The following GRM7 variants were observed in gnomAD, a reference collection of about 807,000 sequenced individuals.
GRM7 encodes metabotropic glutamate receptor 7.
GRM7 carries 35 observed loss-of-function variants against 84.5 expected under a neutral mutation model. The observed-to-expected ratio is 0.41, with a 90% confidence interval of 0.32 to 0.55. The LOEUF (loss-of-function observed/expected upper bound fraction) is 0.55. Ranked by LOEUF, GRM7 falls within the 20% of genes least tolerant of loss-of-function variation. The pLI, the probability that GRM7 is intolerant of heterozygous loss-of-function variation, is 0.19. For synonymous variants in GRM7, 487 were observed against 455.1 expected (o/e 1.07, Z -0.89); for missense variants, 1,003 against 1,194.6 (o/e 0.84, Z 2.36).
chr3:6,902,883 C>CA lies in GRM7; in HGVS notation c.519+40976_519+40977insA, dbSNP rs1287165184. 2.4e-3 allele frequency among the ~76,000 whole-genome samples: 317 copies of CA among 131,560 alleles called. 1 individual carries two copies. Among genetic ancestry groups the CA allele is most frequent in the Non-Finnish European group, 3.8e-3 (225 of 59,938 alleles). 86.3% of individuals were successfully genotyped at this position (131,560 alleles called of 152,430 possible). On this transcript the variant is annotated intron_variant, in intron 1 of 9. Coordinates refer to ENST00000357716, the MANE Select transcript of GRM7 (RefSeq NM_000844.4). ...CACACACACACACACACACACACAC[C>CA]CCTACTCTAGAGAATGGAATTTTAA...
chr3:7,103,525 T>A (rs2125024630), intron 1 of GRM7, among the ~76,000 whole-genome samples: 1 of 151,988 alleles, frequency 6.6e-6, no homozygotes, highest in Admixed American at 6.6e-5. Flanking sequence ...TTTGGGCCAA[T>A]GTTTCCATTG....
intron 1 of GRM7, among the ~76,000 whole-genome samples, chr3:7,105,185 A>T (rs1376926572): frequency 6.7e-6 from 1 of 150,290 alleles, no homozygotes; most frequent in Non-Finnish European, 1.5e-5. Context: ...GTGGTAATGA[A>T]TTTTTTTTTT....
chr3:7,120,922 C>A (rs1306034557), intron 1 of GRM7, among the ~76,000 whole-genome samples: 2 of 152,182 alleles, frequency 1.3e-5, no homozygotes, highest in Non-Finnish European at 2.9e-5. Context: ...TCACAGCTTA[C>A]ACATGTCCCC....
intron 2 of GRM7, among the ~76,000 whole-genome samples, chr3:7,254,862 T>C (rs542727181): frequency 8.9e-4 from 136 of 152,330 alleles, no homozygotes; most frequent in Middle Eastern, 3.4e-3. Context: ...AAAAGACATC[T>C]AGAACAGCTG....
chr3:7,701,678 G>A (rs1303060639), intron 9 of GRM7, among the ~76,000 whole-genome samples: 2 of 152,100 alleles, frequency 1.3e-5, no homozygotes, highest in Non-Finnish European at 2.9e-5. Flanking sequence ...AGGATGGTAG[G>A]AGCTTCACTC....
chr3:7,255,446 G>A lies in GRM7; in HGVS notation c.737-43238G>A, dbSNP rs766611247. Among the ~76,000 whole-genome samples the A allele has an allele frequency of 1.8e-4, 28 of 152,192 alleles. 1 individual carries two copies. Among genetic ancestry groups the A allele is most frequent in the Non-Finnish European group, 3.2e-4 (22 of 68,028 alleles). Reference sequence around the variant, plus strand: ...ATCCTTCATGCATAAAGTAAGGAATGAGCACATTGCTTTGACAATCCAAAC... The same window carrying A: ...ATCCTTCATGCATAAAGTAAGGAATAAGCACATTGCTTTGACAATCCAAAC... On this transcript the variant is annotated intron_variant, in intron 2 of 9. Coordinates refer to ENST00000357716, the MANE Select transcript of GRM7 (RefSeq NM_000844.4).
chr3:7,588,793 A>G (rs1009034206), intron 8 of GRM7, among the ~76,000 whole-genome samples: 1 of 152,198 alleles, frequency 6.6e-6, no homozygotes, highest in African/African-American at 2.4e-5. Context: ...GAAACAAAAC[A>G]TCCCATTTTC....
chr3:7,570,510 C>A (rs1694597642), intron 7 of GRM7, among the ~76,000 whole-genome samples: 1 of 152,164 alleles, frequency 6.6e-6, no homozygotes, highest in Non-Finnish European at 1.5e-5. Context: ...AAAATGAGCT[C>A]CTTTTACTCC....
intron 2 of GRM7, among the ~76,000 whole-genome samples, chr3:7,207,843 C>T (rs950680949): frequency 6.6e-6 from 1 of 152,134 alleles, no homozygotes; most frequent in Non-Finnish European, 1.5e-5. Flanking sequence ...TACATCTGTT[C>T]AAAAGCAAAA....
chr3:7,310,552 GA>G (rs746895846), intron 4 of GRM7, among the ~76,000 whole-genome samples: 7 of 151,820 alleles, frequency 4.6e-5, no homozygotes, highest in South Asian at 2.1e-4. Context: ...GGTGAATGGG[GA>G]AAAAAAATGA....
intron 1 of GRM7, among the ~76,000 whole-genome samples, chr3:7,137,511 CTTG>C (rs1693809581): frequency 1.3e-5 from 2 of 152,034 alleles, no homozygotes; most frequent in Non-Finnish European, 2.9e-5. Context: ...ACCTTGATTA[CTTG>C]AAATGAGTTT....
At chr3:7,629,816 T>G (rs146595971) in intron 8 of GRM7, among the ~76,000 whole-genome samples, 2 of 150,510 alleles carry the variant, frequency 1.3e-5, no homozygotes, top group Non-Finnish European at 2.9e-5. Context: ...ACATTCCAAG[T>G]TTTTTTTAAA....
chr3:7,307,868 C>A (rs992055632), intron 4 of GRM7, among the ~76,000 whole-genome samples: 1 of 152,086 alleles, frequency 6.6e-6, no homozygotes, highest in Non-Finnish European at 1.5e-5. Context: ...AAATTCTCAC[C>A]CTCAAAGCAT....
intron 1 of GRM7, among the ~76,000 whole-genome samples, chr3:6,886,929 G>C (rs550140657): frequency 4.8e-4 from 73 of 151,958 alleles, no homozygotes; most frequent in Admixed American, 2.0e-3. Context: ...GGATCAGCAA[G>C]ATTGAGTACT....
chr3:7,433,406 G>A (rs975057414), intron 5 of GRM7, among the ~76,000 whole-genome samples: 1 of 152,200 alleles, frequency 6.6e-6, no homozygotes, highest in Non-Finnish European at 1.5e-5. Flanking sequence ...ACCACCTCTT[G>A]TGGGATGTTG....
chr3:6,903,640 T>G (rs1696472079), intron 1 of GRM7, among the ~76,000 whole-genome samples: 1 of 152,132 alleles, frequency 6.6e-6, no homozygotes, highest in Admixed American at 6.6e-5. Context: ...AACAGGCAGT[T>G]TCTCTCTGGT....
At chr3:7,690,762 A>T in intron 9 of GRM7, among the ~76,000 whole-genome samples, 1 of 152,248 alleles carries the variant, frequency 6.6e-6, no homozygotes, top group East Asian at 1.9e-4. Flanking sequence ...TATAGATTCT[A>T]ATTTGGTAAA....
At chr3:6,992,099 G>A (rs567317984) in intron 1 of GRM7, among the ~76,000 whole-genome samples, 2 of 152,324 alleles carry the variant, frequency 1.3e-5, no homozygotes, top group Admixed American at 1.3e-4. Flanking sequence ...AGAAAGAGAG[G>A]ATGAGGTGTA....
chr3:7,353,840 A>C (rs907008302), intron 4 of GRM7, among the ~76,000 whole-genome samples: 3 of 152,124 alleles, frequency 2.0e-5, no homozygotes, highest in African/African-American at 7.2e-5. Flanking sequence ...GTACATAGTT[A>C]CTATAATGGA....
Sources: allele counts gnomAD v4.1 joint callset (sites outside exome capture counted in the v4.1 genomes callset), GRCh38; gene constraint gnomAD v4.1.1; transcripts MANE v1.5; gene names NCBI Gene and HGNC (gene_info 2026-07-23, HGNC 2026-07-21).